The following SNAPC4 variants were observed in gnomAD, a reference collection of about 807,000 sequenced individuals.
SNAPC4 encodes snRNA-activating protein complex subunit 4.
A neutral mutation model predicts 151.3 loss-of-function variants in SNAPC4; 127 were observed. The ratio of observed to expected loss-of-function variants is 0.84; its 90% CI spans 0.73 to 0.97. SNAPC4 has a LOEUF of 0.97. Ranked by LOEUF, SNAPC4 falls within the 50% of genes least tolerant of loss-of-function variation. The probability of loss-of-function intolerance (pLI) is 0.00; values close to 1 mark genes in which losing one functional copy is unlikely to be tolerated. For missense variants in SNAPC4, 2,186 were observed against 1,935.0 expected (o/e 1.13, Z -2.43); for synonymous variants, 1,002 against 824.4 (o/e 1.22, Z -3.69).
In SNAPC4 at chr9:136,398,407, CTCTT is replaced by C; in HGVS notation, c.18_21del (p.Glu8ArgfsTer2). 6.2e-7 allele frequency: 1 copy of C among 1,613,766 alleles called. No homozygotes were observed. Among genetic ancestry groups the C allele is most frequent in the South Asian group, 1.1e-5 (1 of 91,076 alleles). ...TCCTTGATCTCCTGTGTTATCTTCT[CTCTT>C]TCAGCATCTACATCCATGACTCCCG... On this transcript the variant is annotated frameshift_variant, in exon 2 of 24. Coordinates refer to ENST00000684778, the MANE Select transcript of SNAPC4 (RefSeq NM_003086.4). LOFTEE classifies it high-confidence loss of function.
At chr9:136,390,944 C>T (rs182897102) in intron 10 of SNAPC4, among the ~76,000 whole-genome samples, 1 of 152,078 alleles carries the variant, frequency 6.6e-6, no homozygotes, top group African/African-American at 2.4e-5. Context: ...ACGCCATTCT[C>T]CTGCCTCAGC....
chr9:136,395,481 C>A (rs547295477), intron 4 of SNAPC4, 58 bp from the exon 5 acceptor site: 3 of 1,587,656 alleles, frequency 1.9e-6, no homozygotes, highest in Admixed American at 1.7e-5. Context: ...ACTCTCCCTG[C>A]GGAGGAGACC....
Position 136,394,414 on chromosome 9 carries a change from G to A in SNAPC4, c.551-84C>T, listed in dbSNP as rs147038622. 15 of 1,271,570 alleles carry A rather than the reference G, an allele frequency of 1.2e-5. No homozygotes were observed. The East Asian group carries it at 3.2e-4, about 27-fold the overall frequency. 78.8% of individuals were successfully genotyped at this position (1,271,570 alleles called of 1,614,324 possible). A position where few individuals can be genotyped will look rare whatever the true frequency, so the allele number is the denominator to read the frequency against. On this transcript the variant is annotated intron_variant, in intron 6 of 23. Coordinates refer to ENST00000684778, the MANE Select transcript of SNAPC4 (RefSeq NM_003086.4). ...CCACGGTTGGTGTGCACTTCCCGAG[G>A]CAGTGGTGGGGGGCCCCACAGCGAG...
At position 136,378,526 on chromosome 9, in the gene SNAPC4, C is replaced by T; in HGVS notation, c.3301G>A (p.Gly1101Arg). 1 of 1,592,234 alleles carries T rather than the reference C, an allele frequency of 6.3e-7. No homozygotes were observed. ...AGCAGCCCTGCGGGGCCAGGGGTCC[C>T]TGCTGGCCTGGGAAGGCTCACCACA... ...PAVVSLPRPA[G>R]TPGPAGLLAT... Residue 1101 changes from glycine to arginine, a missense_variant, in exon 22 of 24, where the codon GGG becomes AGG. Transcript: ENST00000684778.
At position 136,392,753 on chromosome 9, in the gene SNAPC4, C is replaced by T. The variant is rs369254673; in HGVS notation, c.657G>A (p.Gln219=). The T allele has an allele frequency of 2.5e-5, 41 of 1,613,470 alleles. No individual in the cohort carries two copies. Among genetic ancestry groups the T allele is most frequent in the Non-Finnish European group, 3.3e-5 (39 of 1,180,032 alleles). Residue 219 remains glutamine, a synonymous_variant, in exon 8 of 24, where the codon CAG becomes CAA. Transcript: ENST00000684778. ...LLKLEYLHQK[Q]SKVSSELERQ... ...TCTCCAGCTCACTGGAGACTTTGCT[C>T]TGCTTCTGGTGCAAGTACTCGAGCC...
At position 136,384,046 on chromosome 9, in the gene SNAPC4, A is replaced by ACC. The variant is rs751263892; in HGVS notation, c.1421-16_1421-15dup. 9.9e-6 allele frequency: 16 copies of ACC among 1,610,390 alleles called. No homozygotes were observed. Among genetic ancestry groups the ACC allele is most frequent in the Non-Finnish European group, 1.4e-5 (16 of 1,177,640 alleles). On this transcript the variant is annotated splice_polypyrimidine_tract_variant and intron_variant, in intron 14 of 23. Coordinates refer to ENST00000684778, the MANE Select transcript of SNAPC4 (RefSeq NM_003086.4). ...TTGCCCAGTGACCTGCAAAAGCCAA[A>ACC]CCCCATGGAAATGCCTTCATCCAAA...
chr9:136,391,971 C>T lies in SNAPC4; in HGVS notation c.946G>A (p.Glu316Lys). 1 of 1,606,418 alleles carries T rather than the reference C, an allele frequency of 6.2e-7. No homozygotes were observed. Among genetic ancestry groups the T allele is most frequent in the Non-Finnish European group, 8.5e-7 (1 of 1,179,966 alleles). ...QAIAAAHGHL[E>K]WQKIAEELGT... ...AGCTCCTCTGCAATCTTCTGCCACT[C>T]CAGGTGGCCGTGTGCAGCCGCGATC... Residue 316 changes from glutamate (E) to lysine (K), a missense_variant, in exon 10 of 24, where the codon GAG (glutamate) becomes AAG (lysine). Physicochemically the swap from Glu to Lys is moderately conservative, Grantham distance 56. Transcript: ENST00000684778.
chr9:136,380,009 T>C (rs1588741342), intron 20 of SNAPC4, 145 bp from the exon 21 acceptor site: 1 of 1,438,654 alleles, frequency 7.0e-7, no homozygotes, highest in Non-Finnish European at 9.6e-7. Context: ...CACGCCTCTG[T>C]AGGAACTCCG....
chr9:136,379,164 G>C lies in SNAPC4; in HGVS notation c.2663C>G (p.Pro888Arg). 1 of 1,589,280 alleles carries C rather than the reference G, an allele frequency of 6.3e-7. No individual in the cohort carries two copies. The highest frequency in any genetic ancestry group is 8.6e-7 in the Non-Finnish European group (1 of 1,168,946). ...CAGCTCCGACACAGTCTTGGGCTTG[G>C]GCCGGGGGCCGGTTGAAGCCAGCAG... Reference protein sequence around the residue: ...ASLLASTGPRPKPKTVSELLQ... With the variant: ...ASLLASTGPRRKPKTVSELLQ... The change falls in exon 22 of 24, where the codon CCC (proline) becomes CGC (arginine). Residue 888 changes from proline (P) to arginine (R), a missense_variant. Coordinates refer to ENST00000684778, the MANE Select transcript of SNAPC4 (RefSeq NM_003086.4).
Position 136,379,341 on chromosome 9 carries a change from C to A in SNAPC4, c.2528-42G>T, listed in dbSNP as rs749306048. On this transcript the variant is annotated intron_variant, in intron 21 of 23. Transcript: ENST00000684778. ...CCCACACTTGATAAGCCCCAGGCAT[C>A]TGGCCCAGGGACAGCCCCTCGCTGC... is the stretch of plus-strand genomic sequence containing the variant. 3.1e-6 allele frequency: 5 copies of A among 1,608,980 alleles called. No individual in the cohort carries two copies. In the South Asian group the frequency reaches 5.5e-5, roughly 18 times the overall value.
rs745834798 is a variant in SNAPC4 at position 136,392,541 on chromosome 9, T to A, written c.791A>T (p.Glu264Val). Residue 264 changes from glutamate (E) to valine (V), a missense_variant, in exon 9 of 24, where the codon GAG (glutamate) becomes GTG (valine). Glu to Val is a moderately radical substitution (Grantham distance 121). Transcript: ENST00000684778. ...ACTTACGTTAATATTGGAAATCTTC[T>A]CCCAGTCGTGGCTGTCCAGCCTGTT... Reference protein sequence around the residue: ...LGNRLDSHDWEKISNINFEGS... With the variant: ...LGNRLDSHDWVKISNINFEGS... 10 of 1,613,746 alleles carry A rather than the reference T, an allele frequency of 6.2e-6. No individual in the cohort carries two copies. The Admixed American group carries it at 1.7e-4, about 27-fold the overall frequency.
chr9:136,395,176 AG>A, intron 5 of SNAPC4, 121 bp downstream of exon 5: 1 of 1,259,592 alleles, frequency 7.9e-7, no homozygotes. Context: ...AGTTTGAAGG[AG>A]GTTGGCCAAT....
chr9:136,389,773 T>C (rs1251750868), intron 10 of SNAPC4, among the ~76,000 whole-genome samples: 1 of 151,910 alleles, frequency 6.6e-6, no homozygotes, highest in African/African-American at 2.4e-5. Flanking sequence ...GATTCAGAGC[T>C]GGGCCCTGCT....
At position 136,380,842 on chromosome 9, in the gene SNAPC4, G is replaced by C. The variant is rs3812571; in HGVS notation, c.2397C>G (p.His799Gln). The change falls in exon 20 of 24, where the codon CAC becomes CAG. Residue 799 changes from histidine to glutamine, a missense_variant. Transcript: ENST00000684778. ...CCTCCAAGCAGCCGGCAGTATCGATGTGGAACAGCTGCGGGACACAGGAGG... is the reference window on the plus strand; with the variant it reads ...CCTCCAAGCAGCCGGCAGTATCGATCTGGAACAGCTGCGGGACACAGGAGG... Reference protein sequence around the residue: ...PVFTLFTQLFHIDTAGCLEVV... With the variant: ...PVFTLFTQLFQIDTAGCLEVV... 686,080 of 1,591,998 alleles carry C rather than the reference G, an allele frequency of 0.43. 150,875 individuals are homozygous for C. Among genetic ancestry groups the C allele is most frequent in the Admixed American group, 0.55 (32,970 of 59,882 alleles).
At chr9:136,380,703 G>T in intron 20 of SNAPC4, 37 bp downstream of exon 20, 2 of 1,205,028 alleles carry the variant, frequency 1.7e-6, no homozygotes, top group Admixed American at 1.7e-5. Flanking sequence ...GGGGCGGGCA[G>T]TGGCCATCCT....
intron 22 of SNAPC4, 56 bp from the exon 23 acceptor site, chr9:136,376,537 C>CG: frequency 6.2e-7 from 1 of 1,602,182 alleles, no homozygotes; most frequent in East Asian, 2.2e-5. Context: ...CCATGATGGA[C>CG]GGGGAAGGGA....
In SNAPC4 at chr9:136,386,141, G is replaced by A. The variant is rs563257431; in HGVS notation, c.1326-1327C>T. Among the ~76,000 whole-genome samples the A allele has an allele frequency of 3.2e-3, 448 of 137,950 alleles. 1 individual carries two copies. The highest frequency in any genetic ancestry group is 0.016 in the South Asian group (70 of 4,376). 90.5% of individuals were successfully genotyped at this position (137,950 alleles called of 152,430 possible). The stretch of plus-strand genomic sequence containing the variant: ...AATTTCTCGACATCCTTGCCAACAC[G>A]GTGACTTTTTTTTTTTTTTAATTAA... On this transcript the variant is annotated intron_variant, in intron 13 of 23. Transcript: ENST00000684778.
intron 12 of SNAPC4, 21 bp from the exon 13 acceptor site, chr9:136,387,600 A>C (rs1347299355): frequency 1.3e-6 from 2 of 1,578,256 alleles, no homozygotes; most frequent in Non-Finnish European, 8.7e-7. Flanking sequence ...GGACAGGCAG[A>C]CAAGTGAAGC....
chr9:136,390,643 A>G (rs527927679), intron 10 of SNAPC4, among the ~76,000 whole-genome samples: 4 of 151,220 alleles, frequency 2.6e-5, no homozygotes, highest in African/African-American at 9.7e-5. Flanking sequence ...GGGCTGATCT[A>G]TGCAACAAAC....
Sources: allele counts gnomAD v4.1 joint callset (sites outside exome capture counted in the v4.1 genomes callset), GRCh38; gene constraint gnomAD v4.1.1; transcripts MANE v1.5; gene names NCBI Gene and HGNC (gene_info 2026-07-23, HGNC 2026-07-21).